The following CNTNAP2 variants were observed in gnomAD, a reference collection of about 807,000 sequenced individuals.
CNTNAP2 encodes the protein contactin associated protein 2, also known as contactin-associated protein-like 2.
Under a neutral mutation model 155.2 loss-of-function variants are expected in CNTNAP2, and 98 were observed. That is an observed-to-expected ratio of 0.63 (90% CI 0.54 to 0.75). The LOEUF is 0.75. Among genes scored for constraint, CNTNAP2 ranks in the 30% least tolerant of loss-of-function variants. CNTNAP2 has a pLI of 0.00. For missense variants in CNTNAP2, 1,727 were observed against 1,688.1 expected, an observed-to-expected ratio of 1.02 and a Z score of -0.40; for synonymous variants, 651 against 631.2, an observed-to-expected ratio of 1.03 and a Z score of -0.47.
intron 1 of CNTNAP2, among the ~76,000 whole-genome samples, chr7:146,676,605 A>G (rs80061655): frequency 0.016 from 2,497 of 152,224 alleles, 69 homozygotes; most frequent in African/African-American, 0.058. Flanking sequence ...CATGCTGCTA[A>G]TAAAGACGTA....
rs537868988 is a variant in CNTNAP2 at position 146,172,262 on chromosome 7, G to C, written c.97+55289G>C. ...CAGGAAACATCTGGCAATATTTGGA[G>C]AAATGTTTTGTTGTCACAATTCTGG... On this transcript the variant is annotated intron_variant, in intron 1 of 23. Transcript: ENST00000361727. Among the ~76,000 whole-genome samples, 22 of 152,136 alleles carry C rather than the reference G, an allele frequency of 1.4e-4. No individual in the cohort carries two copies. In the East Asian group the frequency reaches 3.7e-3, roughly 25 times the overall value.
At chr7:147,611,691 C>A (rs924447051) in intron 12 of CNTNAP2, among the ~76,000 whole-genome samples, 1 of 152,170 alleles carries the variant, frequency 6.6e-6, no homozygotes, top group South Asian at 2.1e-4. Flanking sequence ...AGAACATAAT[C>A]TGCACTTTGA....
At chr7:146,911,803 T>A (rs1003734843) in intron 3 of CNTNAP2, among the ~76,000 whole-genome samples, 4 of 152,052 alleles carry the variant, frequency 2.6e-5, no homozygotes, top group Non-Finnish European at 5.9e-5. Context: ...ACTTAAAGTA[T>A]AATAATAAAA....
intron 17 of CNTNAP2, among the ~76,000 whole-genome samples, chr7:148,152,797 G>A (rs1326730282): frequency 6.6e-6 from 1 of 152,024 alleles, no homozygotes; most frequent in African/African-American, 2.4e-5. Flanking sequence ...GAGATGGGGG[G>A]ATCACGAAGT....
chr7:147,439,276 G>C (rs1409160343), intron 10 of CNTNAP2, among the ~76,000 whole-genome samples: 2 of 151,806 alleles, frequency 1.3e-5, no homozygotes, highest in Non-Finnish European at 2.9e-5. Context: ...ATAGGTTTTG[G>C]TATGTTGTGT....
At chr7:146,262,176 C>G (rs1348319080) in intron 1 of CNTNAP2, among the ~76,000 whole-genome samples, 1 of 152,168 alleles carries the variant, frequency 6.6e-6, no homozygotes, top group East Asian at 1.9e-4. Context: ...ATGATAAACT[C>G]AAACTAGTGG....
intron 1 of CNTNAP2, among the ~76,000 whole-genome samples, chr7:146,269,573 G>A (rs1156712089): frequency 6.6e-6 from 1 of 152,068 alleles, no homozygotes; most frequent in Non-Finnish European, 1.5e-5. Context: ...AATTTATGTT[G>A]CATAACTTAT....
In CNTNAP2 at chr7:147,839,311, A is replaced by G. The variant is rs189588327; in HGVS notation, c.2099-64254A>G. ...CACTTTGCATCCTTCAATCCAATCA[A>G]GTTGACACTCAGTATTAACCATCAC... On this transcript the variant is annotated intron_variant, in intron 13 of 23. Coordinates refer to ENST00000361727, the MANE Select transcript of CNTNAP2 (RefSeq NM_014141.6). Among the ~76,000 whole-genome samples the G allele has an allele frequency of 1.4e-3, 217 of 152,276 alleles. 3 individuals carry two copies. Among genetic ancestry groups the G allele is most frequent in the Admixed American group, 0.011 (169 of 15,300 alleles).
intron 12 of CNTNAP2, among the ~76,000 whole-genome samples, chr7:147,625,201 T>A (rs1794945786): frequency 6.6e-6 from 1 of 152,128 alleles, no homozygotes; most frequent in African/African-American, 2.4e-5. Flanking sequence ...ACATCAGGGT[T>A]ACCATAGTCA....
chr7:146,721,086 CTG>C (rs1306206830), intron 1 of CNTNAP2, among the ~76,000 whole-genome samples: 19 of 95,372 alleles, frequency 2.0e-4, no homozygotes, highest in African/African-American at 1.5e-3. Context: ...TATATATATA[CTG>C]TCTATATATA....
At chr7:147,986,983 G>C (rs1193296985) in intron 15 of CNTNAP2, among the ~76,000 whole-genome samples, 2 of 151,490 alleles carry the variant, frequency 1.3e-5, no homozygotes, top group Non-Finnish European at 2.9e-5. Flanking sequence ...GGAGTGATGT[G>C]TAGAAATCAT....
intron 10 of CNTNAP2, among the ~76,000 whole-genome samples, chr7:147,400,073 A>T (rs1796885459): frequency 6.6e-6 from 1 of 152,200 alleles, no homozygotes; most frequent in South Asian, 2.1e-4. Context: ...ACATCTTAAG[A>T]TGCCTGACTC....
chr7:148,075,986 A>G (rs992922109), intron 15 of CNTNAP2, among the ~76,000 whole-genome samples: 2 of 152,214 alleles, frequency 1.3e-5, no homozygotes, highest in Admixed American at 6.5e-5. Context: ...CTCCCCGTAC[A>G]GTCTTCATAG....
intron 4 of CNTNAP2, among the ~76,000 whole-genome samples, chr7:147,084,579 T>C (rs1239302418): frequency 6.8e-6 from 1 of 146,176 alleles, no homozygotes; most frequent in African/African-American, 2.5e-5. Context: ...TATATACATA[T>C]GTACATATAG....
chr7:147,566,118 CAA>C (rs59352888), intron 12 of CNTNAP2, among the ~76,000 whole-genome samples: 1,560 of 107,266 alleles, frequency 0.015, 29 homozygotes, highest in African/African-American at 0.048. Context: ...CTATCTCTAC[CAA>C]AAAAAAAAAA....
intron 21 of CNTNAP2, among the ~76,000 whole-genome samples, chr7:148,301,004 G>C (rs1797377274): frequency 6.6e-6 from 1 of 152,010 alleles, no homozygotes; most frequent in Admixed American, 6.6e-5. Context: ...TTTAAAAGTA[G>C]GTTAAAATGG....
chr7:146,531,800 C>A (rs935666175), intron 1 of CNTNAP2, among the ~76,000 whole-genome samples: 2 of 152,158 alleles, frequency 1.3e-5, no homozygotes, highest in Middle Eastern at 3.2e-3. Flanking sequence ...CCGCTTCAGC[C>A]TCCCAAAGTG....
At chr7:147,536,891 C>T (rs1799551284) in intron 11 of CNTNAP2, among the ~76,000 whole-genome samples, 1 of 152,176 alleles carries the variant, frequency 6.6e-6, no homozygotes. Flanking sequence ...AAAGCCTCCC[C>T]TCTCACCACG....
chr7:147,861,999 CAAAAAAAA>C (rs57139075), intron 13 of CNTNAP2, among the ~76,000 whole-genome samples: 49 of 94,972 alleles, frequency 5.2e-4, no homozygotes, highest in African/African-American at 1.8e-3. Context: ...CTCCATCTCA[CAAAAAAAA>C]AAAAAAAAAA....
Sources: allele counts gnomAD v4.1 joint callset (sites outside exome capture counted in the v4.1 genomes callset), GRCh38; gene constraint gnomAD v4.1.1; transcripts MANE v1.5; gene names NCBI Gene and HGNC (gene_info 2026-07-23, HGNC 2026-07-21).